GRID1: variants seen among roughly 807,000 people sequenced by gnomAD.
The protein encoded by GRID1 is glutamate ionotropic receptor delta type subunit 1.
Under a neutral mutation model 98.0 loss-of-function variants are expected in GRID1, and 28 were observed. The observed-to-expected ratio is 0.29, with a 90% CI of 0.21 to 0.39. GRID1 has a LOEUF of 0.39. Ranked by LOEUF, GRID1 falls within the 10% of genes least tolerant of loss-of-function variation. GRID1 has a pLI of 1.00. For synonymous variants in GRID1, 553 were observed against 538.5 expected (o/e 1.03, Z -0.37); for missense variants, 1,111 against 1,340.5 (o/e 0.83, Z 2.67).
intron 12 of GRID1, among the ~76,000 whole-genome samples, chr10:85,654,137 C>T (rs955692051): frequency 3.3e-5 from 5 of 151,824 alleles, no homozygotes; most frequent in Non-Finnish European, 5.9e-5. Context: ...GTCACAGAGC[C>T]CTTCTTCAAA....
chr10:86,237,038 C>T (rs1219286196), intron 2 of GRID1, among the ~76,000 whole-genome samples: 3 of 152,144 alleles, frequency 2.0e-5, no homozygotes, highest in Admixed American at 2.0e-4. Context: ...TGCTTCCACA[C>T]TCCTTCCCCT....
chr10:85,898,063 T>C (rs116855071), intron 5 of GRID1, among the ~76,000 whole-genome samples: 5,775 of 152,264 alleles, frequency 0.038, 156 homozygotes, highest in Middle Eastern at 0.092. Context: ...CAGACCTAGA[T>C]GGAACAGCCA....
At chr10:86,071,346 G>C (rs926415646) in intron 4 of GRID1, among the ~76,000 whole-genome samples, 1 of 152,200 alleles carries the variant, frequency 6.6e-6, no homozygotes, top group Non-Finnish European at 1.5e-5. Context: ...CAGGCTGGTA[G>C]CACAATGACT....
intron 12 of GRID1, among the ~76,000 whole-genome samples, chr10:85,652,498 G>A (rs931086435): frequency 1.3e-5 from 2 of 152,202 alleles, no homozygotes; most frequent in Non-Finnish European, 2.9e-5. Context: ...AGAGAATGTG[G>A]TGGAGTGGCT....
At chr10:85,841,575 A>G (rs1043976897) in intron 8 of GRID1, among the ~76,000 whole-genome samples, 1 of 152,224 alleles carries the variant, frequency 6.6e-6, no homozygotes, top group Non-Finnish European at 1.5e-5. Flanking sequence ...AAATTTTTGC[A>G]AACTATGCAT....
intron 4 of GRID1, among the ~76,000 whole-genome samples, chr10:85,944,513 C>T (rs1842031268): frequency 6.6e-6 from 1 of 152,128 alleles, no homozygotes; most frequent in Admixed American, 6.5e-5. Flanking sequence ...ACTGAAAATA[C>T]ATATAGCCTT....
At chr10:85,968,249 G>C (rs1589317631) in intron 4 of GRID1, among the ~76,000 whole-genome samples, 1 of 139,898 alleles carries the variant, frequency 7.1e-6, no homozygotes, top group Non-Finnish European at 1.5e-5. Context: ...AAGAGATCGA[G>C]ACCATCCTGG....
In GRID1 at chr10:85,607,582, A is replaced by G. The variant is rs185169032; in HGVS notation, c.2602-4881T>C. On this transcript the variant is annotated intron_variant, in intron 15 of 15. Transcript: ENST00000327946. ...ATGGTGGGCAGTTTTTCAAAGCATCAGGAGAAAGAGTTCTGATCAGTTCAA... is the reference window on the plus strand; with the variant it reads ...ATGGTGGGCAGTTTTTCAAAGCATCGGGAGAAAGAGTTCTGATCAGTTCAA... 3.5e-3 allele frequency among the ~76,000 whole-genome samples: 528 copies of G among 152,294 alleles called. 6 individuals are homozygous for G. Among genetic ancestry groups the G allele is most frequent in the African/African-American group, 0.012 (510 of 41,572 alleles).
At chr10:85,769,333 C>T (rs568308933) in intron 8 of GRID1, among the ~76,000 whole-genome samples, 2 of 152,112 alleles carry the variant, frequency 1.3e-5, no homozygotes, top group African/African-American at 2.4e-5. Flanking sequence ...ATAAAGATGG[C>T]AGGAGCTGGA....
intron 8 of GRID1, among the ~76,000 whole-genome samples, chr10:85,795,364 G>A (rs1323767024): frequency 2.0e-5 from 3 of 152,102 alleles, no homozygotes; most frequent in African/African-American, 4.8e-5. Context: ...TCTAAAAGGT[G>A]TTCTGCAGCA....
chr10:86,356,590 G>T (rs954090415), intron 2 of GRID1, among the ~76,000 whole-genome samples: 1 of 152,240 alleles, frequency 6.6e-6, no homozygotes, highest in Non-Finnish European at 1.5e-5. Context: ...AAGTGACCAT[G>T]AGGGACCAAG....
intron 4 of GRID1, among the ~76,000 whole-genome samples, chr10:86,026,815 T>C (rs1843122536): frequency 6.6e-6 from 1 of 152,166 alleles, no homozygotes; most frequent in African/African-American, 2.4e-5. Flanking sequence ...CCAGCCCTCA[T>C]GTGGAGACGT....
In GRID1 at chr10:86,299,060, G is replaced by A. The variant is rs557090614; in HGVS notation, c.235+64881C>T. ...TTCCACCCCCACCCGGCCCTATAAG[G>A]GGAGCTATCATCACCTCTACTTTAT... On this transcript the variant is annotated intron_variant, in intron 2 of 15. Transcript: ENST00000327946. 2.4e-4 allele frequency among the ~76,000 whole-genome samples: 37 copies of A among 152,180 alleles called. No individual in the cohort carries two copies. The South Asian group carries it at 7.7e-3, about 32-fold the overall frequency.
Position 85,694,550 on chromosome 10 carries a change from GTA to G in GRID1, c.1997+28451_1997+28452del, listed in dbSNP as rs56344083. Among the ~76,000 whole-genome samples the G allele has an allele frequency of 4.6e-3, 424 of 92,282 alleles. 5 individuals are homozygous for G. The highest frequency in any genetic ancestry group is 6.1e-3 in the Middle Eastern group (1 of 164). 60.5% of individuals were successfully genotyped at this position (92,282 alleles called of 152,430 possible). ...TAACTAGATAAAGAAAATGTGGTGTGTATATATATATATATATATATATATAT... is the reference window on the plus strand; with the variant it reads ...TAACTAGATAAAGAAAATGTGGTGTGTATATATATATATATATATATATAT... On this transcript the variant is annotated intron_variant, in intron 12 of 15. Coordinates refer to ENST00000327946, the MANE Select transcript of GRID1 (RefSeq NM_017551.3).
intron 4 of GRID1, among the ~76,000 whole-genome samples, chr10:86,043,828 T>C (rs1375177622): frequency 6.6e-6 from 1 of 152,176 alleles, no homozygotes; most frequent in South Asian, 2.1e-4. Context: ...TTCTAGAACT[T>C]TAAATAACTG....
chr10:85,898,533 A>G (rs1356146088), intron 5 of GRID1, among the ~76,000 whole-genome samples: 2 of 152,356 alleles, frequency 1.3e-5, no homozygotes, highest in Non-Finnish European at 2.9e-5. Flanking sequence ...AACACAATGT[A>G]TAGCTATACA....
At chr10:86,032,914 G>A (rs1843207562) in intron 4 of GRID1, among the ~76,000 whole-genome samples, 1 of 148,368 alleles carries the variant, frequency 6.7e-6, no homozygotes, top group African/African-American at 2.5e-5. Context: ...TCTCAAAAAT[G>A]TCATTTCTAT....
intron 5 of GRID1, 30 bp from the exon 6 acceptor site, chr10:85,869,210 A>G: frequency 1.3e-6 from 2 of 1,595,526 alleles, no homozygotes; most frequent in Non-Finnish European, 1.7e-6. Context: ...CATGCTTACC[A>G]TCCACTCATG....
intron 3 of GRID1, among the ~76,000 whole-genome samples, chr10:86,198,855 C>T (rs1589407596): frequency 6.6e-6 from 1 of 152,132 alleles, no homozygotes; most frequent in East Asian, 1.9e-4. Context: ...GTTCCTACCA[C>T]TCTTGGTCCC....
Sources: gnomAD v4.1 joint callset for allele counts (sites outside exome capture counted in the v4.1 genomes callset) on GRCh38, gnomAD v4.1.1 for gene constraint, MANE v1.5 for transcripts, NCBI Gene and HGNC (gene_info 2026-07-23, HGNC 2026-07-21) for gene names.